Variants in BCR observed in about 807,000 individuals in gnomAD.
BCR encodes the protein breakpoint cluster region protein.
Under a neutral mutation model 138.6 loss-of-function variants are expected in BCR, and 58 were observed. That is an observed-to-expected ratio of 0.42 (90% CI 0.34 to 0.52). The LOEUF (loss-of-function observed/expected upper bound fraction) is 0.52, where lower values mean the gene tolerates loss of function less well. Ranked by LOEUF, BCR falls within the 20% of genes least tolerant of loss-of-function variation. The pLI is 0.06. For synonymous variants in BCR, 786 were observed against 730.1 expected (o/e 1.08, Z -1.23); for missense variants, 1,599 against 1,727.2 (o/e 0.93, Z 1.32).
At chr22:23,276,316 G>A (rs112811113) in intron 8 of BCR, among the ~76,000 whole-genome samples, 6,846 of 151,834 alleles carry the variant, frequency 0.045, 193 homozygotes, top group Middle Eastern at 0.11. Flanking sequence ...GGAGAATCTC[G>A]TGAACCTGGG....
intron 1 of BCR, among the ~76,000 whole-genome samples, chr22:23,220,544 G>A (rs370423821): frequency 1.3e-5 from 2 of 152,176 alleles, no homozygotes; most frequent in Non-Finnish European, 2.9e-5. Flanking sequence ...TAGGGGAGGT[G>A]GAAGCAGGGC....
intron 17 of BCR, 50 bp downstream of exon 17, chr22:23,309,533 G>C (rs2073986005): frequency 6.6e-7 from 1 of 1,526,420 alleles, no homozygotes; most frequent in African/African-American, 1.4e-5. Flanking sequence ...AGAAGGATAG[G>C]GTGGCCTCTG....
intron 18 of BCR, 112 bp from the exon 19 acceptor site, chr22:23,311,585 C>A: frequency 1.2e-6 from 1 of 800,710 alleles, no homozygotes; most frequent in Non-Finnish European, 2.0e-6. Context: ...GACCTGGGTA[C>A]CTTCGTCACC....
At chr22:23,303,432 A>G (rs2073924296) in intron 16 of BCR, among the ~76,000 whole-genome samples, 1 of 152,236 alleles carries the variant, frequency 6.6e-6, no homozygotes, top group African/African-American at 2.4e-5. Context: ...TCTTGTCCAC[A>G]CAGCCATTCA....
At chr22:23,313,126 T>G (rs2074026808) in intron 20 of BCR, 105 bp downstream of exon 20, 24 of 1,390,378 alleles carry the variant, frequency 1.7e-5, no homozygotes, top group Non-Finnish European at 2.3e-5. Context: ...CTGTGCCCCC[T>G]CTGCCATGGT....
chr22:23,273,779 G>A lies in BCR; in HGVS notation c.2115+5G>A. 1 of 1,613,976 alleles carries A rather than the reference G, an allele frequency of 6.2e-7. No individual in the cohort carries two copies. Among genetic ancestry groups the A allele is most frequent in the South Asian group, 1.1e-5 (1 of 91,088 alleles). The stretch of plus-strand genomic sequence containing the variant: ...ATGACGGTGAAGAAGGGAGAGGTGA[G>A]TGTGGCAGGGGATGGCTTGGGTCCA... On this transcript the variant is annotated splice_donor_5th_base_variant and intron_variant, in intron 8 of 22. Transcript: ENST00000305877.
chr22:23,215,496 G>T (rs1392295974), intron 1 of BCR, among the ~76,000 whole-genome samples: 1 of 152,236 alleles, frequency 6.6e-6, no homozygotes, highest in Non-Finnish European at 1.5e-5. Context: ...GTTTCTGGCT[G>T]CAAGCCCCAT....
intron 1 of BCR, chr22:23,198,472 A>G (rs1252252679): frequency 2.9e-6 from 1 of 346,242 alleles, no homozygotes. Flanking sequence ...TCAGGGTGAT[A>G]TGGCTTTGCA....
intron 4 of BCR, chr22:23,263,026 G>C (rs1236859320): frequency 7.6e-6 from 6 of 785,738 alleles, no homozygotes; most frequent in Non-Finnish European, 1.1e-5. Flanking sequence ...AGAAAGTATG[G>C]GAAGGAGGAA....
chr22:23,286,114 T>C (rs1483353890), intron 10 of BCR, among the ~76,000 whole-genome samples: 1 of 152,218 alleles, frequency 6.6e-6, no homozygotes, highest in Non-Finnish European at 1.5e-5. Flanking sequence ...TAGTCCAGGA[T>C]GCAGGGTTGG....
intron 4 of BCR, among the ~76,000 whole-genome samples, 175 bp from the exon 5 acceptor site, chr22:23,268,233 G>A (rs925087040): frequency 1.3e-5 from 2 of 152,194 alleles, no homozygotes; most frequent in Admixed American, 6.5e-5. Flanking sequence ...TGTGCTGGGT[G>A]CGTGGGGAGG....
intron 2 of BCR, among the ~76,000 whole-genome samples, chr22:23,255,763 G>A (rs1481267759): frequency 2.6e-5 from 4 of 152,184 alleles, no homozygotes; most frequent in African/African-American, 9.7e-5. Flanking sequence ...AGCCACTCCA[G>A]ATCCTGGTCC....
chr22:23,264,365 A>C lies in BCR; in HGVS notation c.1752+2825A>C. ...TGGATATTCAAAACCCGTGACCGTC[A>C]GGGCCACCCCTGCCTGTGGGCCAAG... On this transcript the variant is annotated intron_variant, in intron 4 of 22. Coordinates refer to ENST00000305877, the MANE Select transcript of BCR (RefSeq NM_004327.4). 3 of 926,704 alleles carry C rather than the reference A, an allele frequency of 3.2e-6. No individual in the cohort carries two copies. The Admixed American group carries it at 5.1e-5, about 16-fold the overall frequency. The allele number at this position is 926,704 out of a possible 1,614,324, so 57.4% of individuals were successfully genotyped here.
At chr22:23,235,030 A>C (rs936386884) in intron 1 of BCR, among the ~76,000 whole-genome samples, 2 of 144,118 alleles carry the variant, frequency 1.4e-5, no homozygotes, top group African/African-American at 4.9e-5. Context: ...GGTGAAAACC[A>C]GGGTCAGCTC....
chr22:23,214,312 A>C (rs1458065220), intron 1 of BCR, among the ~76,000 whole-genome samples: 1 of 152,034 alleles, frequency 6.6e-6, no homozygotes. Flanking sequence ...TTGTTTTCAA[A>C]TGGTTTTATT....
chr22:23,191,511 C>CT lies in BCR; in HGVS notation c.1279+9275dup, dbSNP rs559874164. ...AAAGCATTTTCCCCTGCGTATCTTT[C>CT]TTTAACGGTATATTTGCAGCTGTTT... On this transcript the variant is annotated intron_variant, in intron 1 of 22. Coordinates refer to ENST00000305877, the MANE Select transcript of BCR (RefSeq NM_004327.4). 6.2e-4 allele frequency among the ~76,000 whole-genome samples: 94 copies of CT among 152,308 alleles called. 1 individual carries two copies. Among genetic ancestry groups the CT allele is most frequent in the Middle Eastern group, 6.8e-3 (2 of 294 alleles).
chr22:23,181,608 G>T lies in BCR; in HGVS notation c.648G>T (p.Gln216His). The T allele has an allele frequency of 1.2e-6, 2 of 1,612,284 alleles. No homozygotes were observed. The highest frequency in any genetic ancestry group is 2.2e-5 in the East Asian group (1 of 44,874). ...TGCAGATGGAGCGCAAAAAGTCCCA[G>T]CACGGCGCGGGCTCGAGCGTGGGGG... Reference protein sequence around the residue: ...QAMQMERKKSQHGAGSSVGDA... With the variant: ...QAMQMERKKSHHGAGSSVGDA... The change falls in exon 1 of 23, where the codon CAG (glutamine) becomes CAT (histidine). Residue 216 changes from glutamine to histidine, a missense_variant. Coordinates refer to ENST00000305877, the MANE Select transcript of BCR (RefSeq NM_004327.4).
intron 1 of BCR, among the ~76,000 whole-genome samples, chr22:23,187,235 G>A (rs902135250): frequency 1.4e-5 from 2 of 144,632 alleles, no homozygotes; most frequent in African/African-American, 5.1e-5. Context: ...CATCCCTGTA[G>A]TTTACTTTCT....
At position 23,316,809 on chromosome 22, in the gene BCR, T is replaced by C. The variant is rs370383730; in HGVS notation, c.*1287T>C. On this transcript the variant is annotated 3_prime_UTR_variant, in exon 23 of 23. Transcript: ENST00000305877. ...CCTGCGGGGGAGCCCAGGCATTCTTTGTAAACCCTCCTGACCACCTGGCTC... is the reference window on the plus strand; with the variant it reads ...CCTGCGGGGGAGCCCAGGCATTCTTCGTAAACCCTCCTGACCACCTGGCTC... The C allele has an allele frequency of 5.4e-3, 578 of 107,088 alleles. 40 individuals carry two copies. Among genetic ancestry groups the C allele is most frequent in the East Asian group, 0.011 (78 of 7,172 alleles). 6.6% of individuals were successfully genotyped at this position (107,088 alleles called of 1,614,324 possible).
Sources: allele counts gnomAD v4.1 joint callset (sites outside exome capture counted in the v4.1 genomes callset), GRCh38; gene constraint gnomAD v4.1.1; transcripts MANE v1.5; gene names NCBI Gene and HGNC (gene_info 2026-07-23, HGNC 2026-07-21).